C18orf54: variants seen among roughly 807,000 people sequenced by gnomAD.
C18orf54 encodes chromosome 18 open reading frame 54, also known as lung adenoma susceptibility protein 2.
In C18orf54, 49 loss-of-function variants were observed where a neutral mutation model predicts 49.3. The ratio of observed to expected loss-of-function variants is 0.99; its 90% CI spans 0.79 to 1.26. The LOEUF is 1.26. Ranked by LOEUF, C18orf54 falls within the 50% of genes most tolerant of loss-of-function variation. The pLI, the probability that C18orf54 is intolerant of heterozygous loss-of-function variation, is 0.00. For synonymous variants in C18orf54, 211 were observed against 216.6 expected (o/e 0.97, Z 0.23); for missense variants, 687 against 620.6 (o/e 1.11, Z -1.14).
chr18:54,362,868 C>T lies in C18orf54; in HGVS notation c.1170C>T (p.Cys390=). The T allele has an allele frequency of 1.2e-6, 2 of 1,612,004 alleles. No homozygotes were observed. The highest frequency in any genetic ancestry group is 2.2e-5 in the South Asian group (2 of 90,708). ...PKSMKKDDSP[C]SLDKLEADRS... ...CCATGAAAAAGGATGACAGTCCTTG[C>T]TCATTAGATAAACTTGAAGCAGACA... The change falls in exon 5 of 9, where the codon TGC becomes TGT. Residue 390 remains cysteine, a synonymous_variant. Coordinates refer to ENST00000620105, the MANE Select transcript of C18orf54 (RefSeq NM_001288980.2).
chr18:54,364,106 C>G (rs2089329147), intron 5 of C18orf54: 3 of 146,534 alleles, frequency 2.0e-5, no homozygotes, highest in Admixed American at 1.4e-4. Context: ...CTTCATTTCT[C>G]CTTATATATT....
intron 7 of C18orf54, 75 bp from the exon 8 acceptor site, chr18:54,374,139 C>A: frequency 8.7e-7 from 1 of 1,146,306 alleles, no homozygotes; most frequent in Non-Finnish European, 1.2e-6. Flanking sequence ...ATGTTTTAAT[C>A]ACATTTTCAA....
intron 6 of C18orf54, among the ~76,000 whole-genome samples, chr18:54,367,611 A>G (rs891780143): frequency 1.3e-5 from 2 of 152,090 alleles, no homozygotes; most frequent in Admixed American, 1.3e-4. Flanking sequence ...AATTCCTTAT[A>G]TGTGACTTCA....
intron 5 of C18orf54, among the ~76,000 whole-genome samples, chr18:54,364,520 G>A (rs2089341121): frequency 6.6e-6 from 1 of 152,042 alleles, no homozygotes; most frequent in Non-Finnish European, 1.5e-5. Context: ...ATCTCAGTTT[G>A]AGATTGACAA....
chr18:54,379,614 C>T lies in C18orf54; in HGVS notation c.*1368C>T, dbSNP rs1376076111. ...TCTATGGAGATGTTTTTACCACTGA[C>T]ACTGTTTTCTGATTATAGTCTGCTT... On this transcript the variant is annotated 3_prime_UTR_variant, in exon 9 of 9. Coordinates refer to ENST00000620105, the MANE Select transcript of C18orf54 (RefSeq NM_001288980.2). 1 of 150,532 alleles carries T rather than the reference C, an allele frequency of 6.6e-6. No individual in the cohort carries two copies. The highest frequency in any genetic ancestry group is 2.4e-5 in the African/African-American group (1 of 40,866). The allele number at this position is 150,532 out of a possible 1,614,324, so 9.3% of individuals were successfully genotyped here.
At chr18:54,371,845 A>G (rs765056408) in intron 6 of C18orf54, among the ~76,000 whole-genome samples, 3 of 152,124 alleles carry the variant, frequency 2.0e-5, no homozygotes, top group Non-Finnish European at 4.4e-5. Context: ...ATGTAAAATA[A>G]TAGACTGGTA....
Position 54,361,953 on chromosome 18 carries a change from G to T in C18orf54, c.594G>T (p.Arg198Ser). The T allele has an allele frequency of 6.2e-7, 1 of 1,614,008 alleles. No individual in the cohort carries two copies. Residue 198 changes from arginine (R) to serine (S), a missense_variant, in exon 4 of 9, where the codon AGG (arginine) becomes AGT (serine). Coordinates refer to ENST00000620105, the MANE Select transcript of C18orf54 (RefSeq NM_001288980.2). ...RSNINGKQCG[R>S]LKNPKLMNRT... Reference sequence around the variant, plus strand: ...ATATAAATGGAAAGCAATGTGGTAGGCTGAAAAACCCAAAACTTATGAATA... The same window carrying T: ...ATATAAATGGAAAGCAATGTGGTAGTCTGAAAAACCCAAAACTTATGAATA...
intron 7 of C18orf54, among the ~76,000 whole-genome samples, chr18:54,373,660 G>A (rs1180476654): frequency 6.6e-6 from 1 of 151,772 alleles, no homozygotes; most frequent in Non-Finnish European, 1.5e-5. Flanking sequence ...TGAGGTTGTT[G>A]AGAAGACAAA....
intron 6 of C18orf54, among the ~76,000 whole-genome samples, chr18:54,367,669 G>T (rs1417756735): frequency 6.6e-6 from 1 of 152,084 alleles, no homozygotes; most frequent in Non-Finnish European, 1.5e-5. Context: ...TGTAACCATA[G>T]TGTGCCTCTG....
Position 54,362,708 on chromosome 18 carries a change from G to A in C18orf54, c.1073-63G>A, listed in dbSNP as rs1386890688. On this transcript the variant is annotated intron_variant, in intron 4 of 8. Coordinates refer to ENST00000620105, the MANE Select transcript of C18orf54 (RefSeq NM_001288980.2). ...ATCAGAACTCTTGTTGACTTTGTGA[G>A]ATTTTGCTATGCTTTACATTAATTT... 2.1e-6 allele frequency: 3 copies of A among 1,406,240 alleles called. No individual in the cohort carries two copies. The African/African-American group carries it at 4.4e-5, about 20-fold the overall frequency. The allele number at this position is 1,406,240 out of a possible 1,614,324, so 87.1% of individuals were successfully genotyped here.
At chr18:54,370,276 CAAAAA>C (rs35888839) in intron 6 of C18orf54, among the ~76,000 whole-genome samples, 3 of 87,340 alleles carry the variant, frequency 3.4e-5, no homozygotes, top group Admixed American at 1.2e-4. Context: ...GACTCTGTCT[CAAAAA>C]AAAAAAAAAA....
chr18:54,366,776 C>T (rs2089395188), intron 6 of C18orf54, among the ~76,000 whole-genome samples: 1 of 150,776 alleles, frequency 6.6e-6, no homozygotes, highest in South Asian at 2.1e-4. Flanking sequence ...AATACTAACA[C>T]TTTGGGTGGC....
rs1404241351 is a variant in C18orf54, at chr18:54,376,588, C to T, written c.1530-1586C>T. Reference sequence around the variant, plus strand: ...ACCTCAGGTGATCCACCCACCTCGGCCTCCCAAAGTGCTGGATTACAGTAC... The same window carrying T: ...ACCTCAGGTGATCCACCCACCTCGGTCTCCCAAAGTGCTGGATTACAGTAC... On this transcript the variant is annotated intron_variant, in intron 8 of 8. Transcript: ENST00000620105. 2.6e-5 allele frequency among the ~76,000 whole-genome samples: 4 copies of T among 152,210 alleles called. No homozygotes were observed. The East Asian group carries it at 5.8e-4, about 22-fold the overall frequency.
intron 6 of C18orf54, among the ~76,000 whole-genome samples, chr18:54,369,362 T>G (rs1396579038): frequency 2.0e-5 from 3 of 152,178 alleles, no homozygotes; most frequent in Non-Finnish European, 4.4e-5. Context: ...GTAAATTTAC[T>G]TGTTTGTTCA....
chr18:54,362,123 G>A lies in C18orf54; in HGVS notation c.764G>A (p.Ser255Asn), dbSNP rs1413281757. 1 of 1,536,746 alleles carries A rather than the reference G, an allele frequency of 6.5e-7. No homozygotes were observed. The highest frequency in any genetic ancestry group is 2.0e-5 in the Admixed American group (1 of 51,014). ...KSDLNVSGITSIPDFKYPVWL... is the reference protein window; with the variant it reads ...KSDLNVSGITNIPDFKYPVWL... ...GACCTTAATGTTTCAGGGATAACTAGTATACCTGATTTCAAATACCCAGTC... is the reference window on the plus strand; with the variant it reads ...GACCTTAATGTTTCAGGGATAACTAATATACCTGATTTCAAATACCCAGTC... Residue 255 changes from serine (S) to asparagine (N), a missense_variant, in exon 4 of 9, where the codon AGT (serine) becomes AAT (asparagine). Transcript: ENST00000620105.
intron 6 of C18orf54, among the ~76,000 whole-genome samples, chr18:54,366,216 C>T (rs1423266881): frequency 6.6e-6 from 1 of 151,788 alleles, no homozygotes; most frequent in East Asian, 1.9e-4. Flanking sequence ...CTTTAGAACA[C>T]TAGGACTTAT....
chr18:54,375,194 T>A (rs2089550042), intron 8 of C18orf54, among the ~76,000 whole-genome samples: 1 of 151,928 alleles, frequency 6.6e-6, no homozygotes, highest in Admixed American at 6.6e-5. Context: ...ATAGCTAACA[T>A]TGAATGTTTA....
Position 54,360,758 on chromosome 18 carries a change from C to A in C18orf54, c.186C>A (p.Gly62=), listed in dbSNP as rs2089251735. Residue 62 remains glycine (G), a synonymous_variant, in exon 3 of 9, where the codon GGC becomes GGA. Transcript: ENST00000620105. ...LQAYIDDFDL[G]QIYPGASTGK... is the part of the protein sequence containing the mutation. Reference sequence around the variant, plus strand: ...CTTATATTGATGATTTTGATCTAGGCCAAATATATCCTGGTGCAAGCACTG... The same window carrying A: ...CTTATATTGATGATTTTGATCTAGGACAAATATATCCTGGTGCAAGCACTG... The A allele has an allele frequency of 6.2e-7, 1 of 1,613,634 alleles. No homozygotes were observed. The highest frequency in any genetic ancestry group is 8.5e-7 in the Non-Finnish European group (1 of 1,179,672).
intron 7 of C18orf54, among the ~76,000 whole-genome samples, chr18:54,373,686 T>A (rs554211437): frequency 2.4e-4 from 36 of 151,934 alleles, no homozygotes; most frequent in African/African-American, 8.2e-4. Flanking sequence ...ACAAACTATA[T>A]AAAGTACTTA....
Sources: allele counts gnomAD v4.1 joint callset (sites outside exome capture counted in the v4.1 genomes callset), GRCh38; gene constraint gnomAD v4.1.1; transcripts MANE v1.5; gene names NCBI Gene and HGNC (gene_info 2026-07-23, HGNC 2026-07-21).